Variants in TPO observed in about 807,000 individuals in gnomAD.
TPO encodes thyroid peroxidase.
Under a neutral mutation model 96.9 loss-of-function variants are expected in TPO, and 78 were observed. That is an observed-to-expected ratio of 0.81 (90% CI 0.67 to 0.97). TPO has a LOEUF of 0.97. TPO is among the 50% of genes least tolerant of loss of function. The pLI is 0.00. For missense variants in TPO, 1,252 were observed against 1,274.8 expected (o/e 0.98, Z 0.27); for synonymous variants, 547 against 538.0 (o/e 1.02, Z -0.23).
At chr2:1,504,423 C>T (rs1038394483) in intron 14 of TPO, among the ~76,000 whole-genome samples, 2 of 152,184 alleles carry the variant, frequency 1.3e-5, no homozygotes, top group Non-Finnish European at 2.9e-5. Context: ...ACCCATCCAT[C>T]ACCTCTCCTC....
At chr2:1,398,656 A>C (rs1006316554) in intron 1 of TPO, among the ~76,000 whole-genome samples, 1 of 152,108 alleles carries the variant, frequency 6.6e-6, no homozygotes, top group Non-Finnish European at 1.5e-5. Context: ...CATGAATATC[A>C]CCTGGTTCAT....
At chr2:1,403,971 C>A (rs936811725) in intron 1 of TPO, among the ~76,000 whole-genome samples, 1 of 152,242 alleles carries the variant, frequency 6.6e-6, no homozygotes, top group Admixed American at 6.5e-5. Context: ...ATTAACCAGC[C>A]TGCACCAATT....
At chr2:1,424,008 C>A (rs1664063313) in intron 3 of TPO, among the ~76,000 whole-genome samples, 1 of 152,164 alleles carries the variant, frequency 6.6e-6, no homozygotes, top group Non-Finnish European at 1.5e-5. Flanking sequence ...TTTGTGAACC[C>A]AAGTATCTAA....
At chr2:1,386,351 G>C (rs1194766629) in intron 1 of TPO, among the ~76,000 whole-genome samples, 1 of 152,158 alleles carries the variant, frequency 6.6e-6, no homozygotes, top group Non-Finnish European at 1.5e-5. Context: ...GGGAGTCTAA[G>C]TCTCTTTGTA....
intron 14 of TPO, among the ~76,000 whole-genome samples, chr2:1,510,365 C>T (rs2125043674): frequency 6.6e-6 from 1 of 152,304 alleles, no homozygotes; most frequent in Non-Finnish European, 1.5e-5. Flanking sequence ...TGGACTACAG[C>T]CCAGAAGCAC....
rs1331237007 is a variant in TPO at position 1,453,660 on chromosome 2, C to T, written c.483-34C>T. The T allele has an allele frequency of 4.3e-6, 7 of 1,613,666 alleles. No homozygotes were observed. In the African/African-American group the frequency reaches 9.3e-5, roughly 22 times the overall value. On this transcript the variant is annotated intron_variant, in intron 5 of 16. Transcript: ENST00000329066. Reference sequence around the variant, plus strand: ...TCACTGCTTCTGTGTTCTTCTCCCCCATCTCAAACACATCCTTGCATTTGT... The same window carrying T: ...TCACTGCTTCTGTGTTCTTCTCCCCTATCTCAAACACATCCTTGCATTTGT...
At chr2:1,453,288 T>C (rs757303392) in intron 5 of TPO, among the ~76,000 whole-genome samples, 1 of 152,242 alleles carries the variant, frequency 6.6e-6, no homozygotes, top group African/African-American at 2.4e-5. Context: ...GTGCTTTGAT[T>C]AAAGGATGTT....
intron 7 of TPO, among the ~76,000 whole-genome samples, chr2:1,466,616 G>T (rs1668921610): frequency 1.3e-5 from 2 of 152,072 alleles, no homozygotes; most frequent in Non-Finnish European, 2.9e-5. Flanking sequence ...AGCTAGGAGG[G>T]TTATATCTTT....
chr2:1,419,470 A>G (rs529936644), intron 2 of TPO, among the ~76,000 whole-genome samples: 2 of 152,298 alleles, frequency 1.3e-5, no homozygotes, highest in Admixed American at 1.3e-4. Flanking sequence ...AGGAAAAGCC[A>G]TCTGCCCTGC....
chr2:1,535,416 T>C (rs145808220), intron 15 of TPO, among the ~76,000 whole-genome samples: 1,317 of 8,358 alleles, frequency 0.16, 1 homozygote, highest in South Asian at 0.17. Flanking sequence ...CAAATCCCCC[T>C]ACTGTGTGCA....
At position 1,413,760 on chromosome 2, in the gene TPO, A is replaced by G. The variant is rs144313657; in HGVS notation, c.-2+215A>G. On this transcript the variant is annotated intron_variant, in intron 1 of 16. Coordinates refer to ENST00000329066, the MANE Select transcript of TPO (RefSeq NM_001206744.2). ...AGGGTCGATTCCTAGATCACCGTCT[A>G]CTGAGACACATTCCTGTCAGCATGG... is the stretch of plus-strand genomic sequence containing the variant. 202 of 985,206 alleles carry G rather than the reference A, an allele frequency of 2.1e-4. No individual in the cohort carries two copies. The African/African-American group carries it at 3.2e-3, about 16-fold the overall frequency. The allele number at this position is 985,206 out of a possible 1,614,324, so 61.0% of individuals were successfully genotyped here. A position where few individuals can be genotyped will look rare whatever the true frequency, so the allele number is the denominator to read the frequency against.
At chr2:1,480,614 C>T (rs542932779) in intron 8 of TPO, among the ~76,000 whole-genome samples, 1 of 99,344 alleles carries the variant, frequency 1.0e-5, no homozygotes, top group East Asian at 2.5e-4. Flanking sequence ...ACGAGCCAGC[C>T]AGGGCCAGGC....
rs866128359 is a variant in TPO, at chr2:1,423,055, G to A, written c.105G>A (p.Glu35=). ...RGKELLWGKP[E]ESRVSSVLEE... ...CATTCTGTTCCGTAGGAAAGCCTGA[G>A]GAGTCTCGTGTCTCTAGCGTCTTGG... Residue 35 remains glutamate (E), a synonymous_variant, in exon 3 of 17, where the codon GAG becomes GAA. Transcript: ENST00000329066. 6.2e-7 allele frequency: 1 copy of A among 1,614,182 alleles called. No individual in the cohort carries two copies. The highest frequency in any genetic ancestry group is 8.5e-7 in the Non-Finnish European group (1 of 1,180,044).
chr2:1,441,199 T>C (rs1189522363), intron 5 of TPO, among the ~76,000 whole-genome samples: 1 of 152,002 alleles, frequency 6.6e-6, no homozygotes, highest in African/African-American at 2.4e-5. Flanking sequence ...AGGGTCCTTC[T>C]TGTTTGTGTG....
intron 15 of TPO, among the ~76,000 whole-genome samples, chr2:1,537,228 T>C (rs1190211085): frequency 2.4e-4 from 6 of 25,062 alleles, no homozygotes; most frequent in Non-Finnish European, 3.5e-4. Flanking sequence ...CCTCCCCAAA[T>C]CCCCCAACTG....
chr2:1,515,778 A>G (rs11896906), intron 14 of TPO, among the ~76,000 whole-genome samples: 30,781 of 151,682 alleles, frequency 0.2, 3,430 homozygotes, highest in African/African-American at 0.3. Context: ...ATAGAACCAA[A>G]CCAAGCACCC....
intron 15 of TPO, among the ~76,000 whole-genome samples, chr2:1,537,117 C>A (rs1372719279): frequency 1.1e-5 from 1 of 94,588 alleles, no homozygotes; most frequent in East Asian, 3.1e-4. Flanking sequence ...CTCCCTAGAT[C>A]CCCCCTATGT....
intron 15 of TPO, among the ~76,000 whole-genome samples, chr2:1,523,565 T>C (rs1322330848): frequency 8.9e-5 from 7 of 78,420 alleles, no homozygotes; most frequent in Admixed American, 1.8e-4. Context: ...TCCCCACCAC[T>C]CTGTGCAACC....
chr2:1,478,205 T>A, intron 8 of TPO: 1 of 985,350 alleles, frequency 1.0e-6, no homozygotes, highest in Non-Finnish European at 1.2e-6. Context: ...GAATGGAGAG[T>A]CAAGTTGGCC....
Sources: gnomAD v4.1 joint callset for allele counts (sites outside exome capture counted in the v4.1 genomes callset) on GRCh38, gnomAD v4.1.1 for gene constraint, MANE v1.5 for transcripts, NCBI Gene and HGNC (gene_info 2026-07-23, HGNC 2026-07-21) for gene names.